SMIM41: variants seen among roughly 807,000 people sequenced by gnomAD.
SMIM41 encodes the protein small integral membrane protein 41.
rs1473865179 is a variant in SMIM41, at chr12:52,081,529, C to T, written c.*120+1348C>T. Reference sequence around the variant, plus strand: ...AGGGCCCCCTCAGCTCCCCCCACTCCACCCCCTAGGAGGGAGGGTTGTCCA... The same window carrying T: ...AGGGCCCCCTCAGCTCCCCCCACTCTACCCCCTAGGAGGGAGGGTTGTCCA... On this transcript the variant is annotated intron_variant, in intron 1 of 2. Transcript: ENST00000546390. This position sits in a 1 kb window ranked among gnomAD's most constrained non-coding sequence, Gnocchi z 4.1. 6.6e-6 allele frequency among the ~76,000 whole-genome samples: 1 copy of T among 152,032 alleles called. No individual in the cohort carries two copies. Among genetic ancestry groups the T allele is most frequent in the Non-Finnish European group, 1.5e-5 (1 of 67,936 alleles).
intron 2 of SMIM41, among the ~76,000 whole-genome samples, chr12:52,085,732 A>G (rs562039603): frequency 6.6e-6 from 1 of 152,304 alleles, no homozygotes; most frequent in South Asian, 2.1e-4. Flanking sequence ...AACATGCTGT[A>G]CTTGGGTTGG....
chr12:52,096,234 A>G (rs2120693430), intron 2 of SMIM41, among the ~76,000 whole-genome samples: 1 of 151,688 alleles, frequency 6.6e-6, no homozygotes, highest in African/African-American at 2.4e-5. Context: ...TTCCTGCGAT[A>G]CTGGGAGTAA....
At chr12:52,095,953 G>C (rs57770341) in intron 2 of SMIM41, among the ~76,000 whole-genome samples, 39 of 151,862 alleles carry the variant, frequency 2.6e-4, no homozygotes, top group African/African-American at 9.0e-4. Flanking sequence ...CAACCTCTCC[G>C]CCTTTGAATA....
chr12:52,097,481 C>T (rs112036574), intron 2 of SMIM41, among the ~76,000 whole-genome samples: 1 of 152,162 alleles, frequency 6.6e-6, no homozygotes, highest in African/African-American at 2.4e-5. Context: ...CCCGCTGATG[C>T]GCAGAGTGAT....
chr12:52,100,051 A>G (rs558706148), intron 2 of SMIM41, among the ~76,000 whole-genome samples: 32 of 152,168 alleles, frequency 2.1e-4, no homozygotes, highest in African/African-American at 7.7e-4. Flanking sequence ...GGGGGTGTAC[A>G]CACCCTGTGA....
intron 2 of SMIM41, among the ~76,000 whole-genome samples, chr12:52,091,850 G>T (rs763362995): frequency 6.6e-6 from 1 of 152,212 alleles, no homozygotes; most frequent in Non-Finnish European, 1.5e-5. Flanking sequence ...TTAGGGAAGT[G>T]TTAACAACAA....
At chr12:52,104,204 A>C (rs1447727538) in intron 2 of SMIM41, 1 of 152,042 alleles carries the variant, frequency 6.6e-6, no homozygotes, top group Non-Finnish European at 1.5e-5. Context: ...TTCTATGGAC[A>C]CTCACTTTTC....
At chr12:52,085,792 T>G (rs1388061357) in intron 2 of SMIM41, among the ~76,000 whole-genome samples, 1 of 152,220 alleles carries the variant, frequency 6.6e-6, no homozygotes, top group Non-Finnish European at 1.5e-5. Context: ...AGCAGAGGGC[T>G]GTCTGTGCAC....
At chr12:52,080,536 C>T (rs1939803065) in intron 1 of SMIM41, among the ~76,000 whole-genome samples, 1 of 152,168 alleles carries the variant, frequency 6.6e-6, no homozygotes, top group African/African-American at 2.4e-5. Flanking sequence ...AGTCTGGAGG[C>T]CACAGTGTGC....
At chr12:52,103,596 TAAA>T (rs1940265427) in intron 2 of SMIM41, among the ~76,000 whole-genome samples, 1 of 151,246 alleles carries the variant, frequency 6.6e-6, no homozygotes, top group African/African-American at 2.4e-5. Context: ...TTGTCTCTAT[TAAA>T]AATACAAAAA....
At position 52,080,330 on chromosome 12, in the gene SMIM41, T is replaced by C. The variant is rs534451134; in HGVS notation, c.*120+149T>C. 934 of 154,370 alleles carry C rather than the reference T, an allele frequency of 6.1e-3. 6 individuals carry two copies. The highest frequency in any genetic ancestry group is 9.5e-3 in the Non-Finnish European group (659 of 69,268). 9.6% of individuals were successfully genotyped at this position (154,370 alleles called of 1,614,324 possible). ...CGACTCAGGTTCCCAGCTCTGTAAG[T>C]CCACGGCCGGTGGGGCTGCAGCCCA... On this transcript the variant is annotated intron_variant, in intron 1 of 2. Coordinates refer to ENST00000546390, the MANE Select transcript of SMIM41 (RefSeq NM_001369216.1).
intron 1 of SMIM41, among the ~76,000 whole-genome samples, chr12:52,080,579 C>T (rs911946575): frequency 1.3e-4 from 20 of 152,192 alleles, no homozygotes; most frequent in African/African-American, 4.8e-4. Flanking sequence ...CCCACCCTCA[C>T]CTCCATGGTC....
rs887633963 is a variant in SMIM41, at chr12:52,081,787, A to G, written c.*120+1606A>G. Among the ~76,000 whole-genome samples the G allele has an allele frequency of 6.6e-6, 1 of 152,028 alleles. No homozygotes were observed. Among genetic ancestry groups the G allele is most frequent in the African/African-American group, 2.4e-5 (1 of 41,392 alleles). On this transcript the variant is annotated intron_variant, in intron 1 of 2. Transcript: ENST00000546390. This position sits in a 1 kb window ranked among gnomAD's most constrained non-coding sequence, Gnocchi z 4.1. ...AGATCACTGGGAACCCCTTTCTTTTACACGCGGGAGAACAGTAAGTGACAT... is the reference window on the plus strand; with the variant it reads ...AGATCACTGGGAACCCCTTTCTTTTGCACGCGGGAGAACAGTAAGTGACAT...
At chr12:52,097,124 C>T (rs1940111969) in intron 2 of SMIM41, among the ~76,000 whole-genome samples, 2 of 152,028 alleles carry the variant, frequency 1.3e-5, no homozygotes. Flanking sequence ...TGACATGACT[C>T]ACACTATGGC....
rs918863484 is a variant in SMIM41, at chr12:52,083,879, C to T, written c.*121-15C>T. ...CTGTGGCATCATTATTTTCCCTGAA[C>T]CTGACCATTCCTAGAGAGGAGAAGA... On this transcript the variant is annotated splice_polypyrimidine_tract_variant and intron_variant, in intron 1 of 2. Transcript: ENST00000546390. 2 of 152,082 alleles carry T rather than the reference C, an allele frequency of 1.3e-5. No homozygotes were observed. Among genetic ancestry groups the T allele is most frequent in the Non-Finnish European group, 2.9e-5 (2 of 68,054 alleles). 9.4% of individuals were successfully genotyped at this position (152,082 alleles called of 1,614,324 possible). A position where few individuals can be genotyped will look rare whatever the true frequency, so the allele number is the denominator to read the frequency against.
rs1940030835 is a variant in SMIM41 at position 52,093,037 on chromosome 12, G to A, written c.*195+9069G>A. On this transcript the variant is annotated intron_variant, in intron 2 of 2. Coordinates refer to ENST00000546390, the MANE Select transcript of SMIM41 (RefSeq NM_001369216.1). ...TCTACTACAATACAAAAAAAATAAA[G>A]AAAAAATTAGATTGGTGTGGTGCGG... Among the ~76,000 whole-genome samples the A allele has an allele frequency of 3.3e-5, 5 of 152,106 alleles. No individual in the cohort carries two copies. The South Asian group carries it at 1.0e-3, about 32-fold the overall frequency.
At chr12:52,097,482 G>T (rs1261100616) in intron 2 of SMIM41, among the ~76,000 whole-genome samples, 1 of 152,020 alleles carries the variant, frequency 6.6e-6, no homozygotes, top group African/African-American at 2.4e-5. Context: ...CCGCTGATGC[G>T]CAGAGTGATA....
intron 2 of SMIM41, among the ~76,000 whole-genome samples, chr12:52,085,739 T>G (rs1939883283): frequency 6.6e-6 from 1 of 152,078 alleles, no homozygotes. Context: ...TGTACTTGGG[T>G]TGGGGTAGAG....
At chr12:52,090,688 G>C (rs1473169259) in intron 2 of SMIM41, among the ~76,000 whole-genome samples, 2 of 152,208 alleles carry the variant, frequency 1.3e-5, no homozygotes, top group African/African-American at 4.8e-5. Context: ...GCTCGAACCA[G>C]AGCATCAACC....
Sources: gnomAD v4.1 joint callset for allele counts (sites outside exome capture counted in the v4.1 genomes callset) on GRCh38, gnomAD v4.1.1 for gene constraint, Gnocchi (gnomAD v3.1) non-coding constraint, MANE v1.5 for transcripts, NCBI Gene and HGNC (gene_info 2026-07-23, HGNC 2026-07-21) for gene names.